The following PCDH10 variants were observed in gnomAD, a reference collection of about 807,000 sequenced individuals.
PCDH10 encodes protocadherin-10.
PCDH10 carries 15 observed loss-of-function variants against 74.4 expected under a neutral mutation model. That is an observed-to-expected ratio of 0.20 (90% CI 0.13 to 0.31). The LOEUF is 0.31. Ranked by LOEUF, PCDH10 falls within the 10% of genes least tolerant of loss-of-function variation. The pLI is 1.00. For synonymous variants in PCDH10, 619 were observed against 589.8 expected (o/e 1.05, Z -0.72); for missense variants, 1,260 against 1,390.2 (o/e 0.91, Z 1.49).
chr4:133,164,949 T>A (rs1727046829), intron 4 of PCDH10, among the ~76,000 whole-genome samples: 2 of 148,092 alleles, frequency 1.4e-5, no homozygotes, highest in South Asian at 4.2e-4. Context: ...ATATATATAT[T>A]CATATATATA....
At chr4:133,154,521 A>G (rs1175730681) in intron 2 of PCDH10, among the ~76,000 whole-genome samples, 156 bp downstream of exon 2, 1 of 152,238 alleles carries the variant, frequency 6.6e-6, no homozygotes, top group African/African-American at 2.4e-5. Flanking sequence ...CCTAGACAAT[A>G]CATTAAAAAT....
In PCDH10 at chr4:133,188,665, GT is replaced by G. The variant is rs1167321577; in HGVS notation, c.3104-1451del. Among the ~76,000 whole-genome samples, 399 of 74,660 alleles carry G rather than the reference GT, an allele frequency of 5.3e-3. 1 individual carries two copies. Among genetic ancestry groups the G allele is most frequent in the African/African-American group, 0.017 (309 of 18,212 alleles). The allele number at this position is 74,660 out of a possible 152,430, so 49.0% of individuals were successfully genotyped here. On this transcript the variant is annotated intron_variant, in intron 4 of 4. Coordinates refer to ENST00000264360, the MANE Select transcript of PCDH10 (RefSeq NM_032961.3). ...TGATGATGGTGCCTGACTGCTATGG[GT>G]TTTTTTTTTTTTTTTTTTTTTTTTG... is the stretch of plus-strand genomic sequence containing the variant.
chr4:133,206,817 T>C (rs917501969), intron 2 of PCDH10, among the ~76,000 whole-genome samples: 1 of 152,186 alleles, frequency 6.6e-6, no homozygotes, highest in Non-Finnish European at 1.5e-5. Context: ...CTTATAAGCA[T>C]AATGCAGAAT....
intron 2 of PCDH10, among the ~76,000 whole-genome samples, chr4:133,201,463 C>T (rs1727908486): frequency 6.6e-6 from 1 of 152,080 alleles, no homozygotes; most frequent in Non-Finnish European, 1.5e-5. Context: ...GGGTTGCACT[C>T]AGGGACAGAG....
At chr4:133,207,462 C>A (rs1380539720) in intron 2 of PCDH10, among the ~76,000 whole-genome samples, 1 of 152,190 alleles carries the variant, frequency 6.6e-6, no homozygotes, top group African/African-American at 2.4e-5. Context: ...TAAGAGCTGG[C>A]ACATACAGAC....
rs150122215 is a variant in PCDH10 at position 133,193,228 on chromosome 4, A to G, written c.*3068A>G. On this transcript the variant is annotated 3_prime_UTR_variant, in exon 5 of 5. Coordinates refer to ENST00000264360, the MANE Select transcript of PCDH10 (RefSeq NM_032961.3). ...AAATCATCTTAAATCAAATTTAAAT[A>G]TCACATCAGAATTACTTCACAGATA... 10 of 151,856 alleles carry G rather than the reference A, an allele frequency of 6.6e-5. No individual in the cohort carries two copies. Among genetic ancestry groups the G allele is most frequent in the African/African-American group, 1.9e-4 (8 of 41,560 alleles). The allele number at this position is 151,856 out of a possible 1,614,324, so 9.4% of individuals were successfully genotyped here.
intron 4 of PCDH10, among the ~76,000 whole-genome samples, chr4:133,185,169 C>T (rs1264210056): frequency 6.8e-6 from 1 of 147,656 alleles, no homozygotes; most frequent in African/African-American, 2.5e-5. Flanking sequence ...TATATTTACA[C>T]ATATAAATAA....
chr4:133,184,086 T>A (rs1727476424), intron 4 of PCDH10, among the ~76,000 whole-genome samples: 1 of 152,130 alleles, frequency 6.6e-6, no homozygotes, highest in Non-Finnish European at 1.5e-5. Context: ...ATTTCTCACA[T>A]TAATGGTCTA....
chr4:133,176,205 C>T (rs1727292527), intron 4 of PCDH10, among the ~76,000 whole-genome samples: 1 of 152,068 alleles, frequency 6.6e-6, no homozygotes, highest in South Asian at 2.1e-4. Context: ...GACCTTTGTA[C>T]ATGTTCTCAC....
At chr4:133,174,283 A>G (rs1727251783) in intron 4 of PCDH10, among the ~76,000 whole-genome samples, 1 of 151,998 alleles carries the variant, frequency 6.6e-6, no homozygotes, top group Non-Finnish European at 1.5e-5. Flanking sequence ...CTTATATGCC[A>G]TATATAATTC....
chr4:133,203,091 A>G (rs901591368), intron 2 of PCDH10, among the ~76,000 whole-genome samples: 1 of 152,114 alleles, frequency 6.6e-6, no homozygotes, highest in Admixed American at 6.5e-5. Flanking sequence ...CAGAAGCTCA[A>G]TGTCTATGAG....
At chr4:133,199,761 AATTATTATTATTATTATTATTATTACT>A (rs1380645174) in intron 2 of PCDH10, among the ~76,000 whole-genome samples, 1 of 146,328 alleles carries the variant, frequency 6.8e-6, no homozygotes. Flanking sequence ...AGTTGTTTTT[AATTATTATTATTATTATTATTATTACT>A]ATTATTATTA....
rs758483917 is a variant in PCDH10, at chr4:133,151,880, G to A, written c.1740G>A (p.Gly580=). 3.7e-6 allele frequency: 6 copies of A among 1,613,028 alleles called. No homozygotes were observed. In the South Asian group the frequency reaches 6.6e-5, roughly 18 times the overall value. ...CTGCCATCGTGGCGCCTCTACCAGGGCGCAACGGGACTCCAGCGCGTGAGG... is the reference window on the plus strand; with the variant it reads ...CTGCCATCGTGGCGCCTCTACCAGGACGCAACGGGACTCCAGCGCGTGAGG... ...NAPAIVAPLP[G]RNGTPAREVL... The change falls in exon 1 of 5, where the codon GGG becomes GGA. Residue 580 remains glycine (G), a synonymous_variant. Transcript: ENST00000264360.
Position 133,206,760 on chromosome 4 carries a change from CT to C in PCDH10, n.438-1315del, listed in dbSNP as rs150519382. Among the ~76,000 whole-genome samples the C allele has an allele frequency of 2.2e-3, 338 of 152,212 alleles. 9 individuals carry two copies. In the East Asian group the frequency reaches 0.059, roughly 27 times the overall value. ...GTGCATTAATTGACCTCTCCCCTCT[CT>C]GTAAATGGGAGCTTGAAAATAAACT... On this transcript the variant is annotated intron_variant and non_coding_transcript_variant, in intron 2 of 2. Transcript: ENST00000511112.
At chr4:133,179,792 T>A (rs1727374620) in intron 4 of PCDH10, among the ~76,000 whole-genome samples, 1 of 152,102 alleles carries the variant, frequency 6.6e-6, no homozygotes, top group South Asian at 2.1e-4. Context: ...CATAACTGTG[T>A]CTGGAACAAA....
rs1727685279 is a variant in PCDH10 at position 133,191,992 on chromosome 4, CACACTT to C, written c.*1834_*1839del. The C allele has an allele frequency of 6.7e-6, 1 of 148,632 alleles. No homozygotes were observed. Among genetic ancestry groups the C allele is most frequent in the African/African-American group, 2.5e-5 (1 of 40,228 alleles). The allele number at this position is 148,632 out of a possible 1,614,324, so 9.2% of individuals were successfully genotyped here. A position where few individuals can be genotyped will look rare whatever the true frequency, so the allele number is the denominator to read the frequency against. On this transcript the variant is annotated 3_prime_UTR_variant, in exon 5 of 5. Transcript: ENST00000264360. ...ACACACACACACACACACACACACA[CACACTT>C]AGGTCCTGATATGTACATTTAGAGT...
chr4:133,187,181 A>G (rs1261727199), intron 4 of PCDH10, among the ~76,000 whole-genome samples: 1 of 152,096 alleles, frequency 6.6e-6, no homozygotes, highest in Non-Finnish European at 1.5e-5. Flanking sequence ...TCAACTGTGG[A>G]TTAAAAATAT....
chr4:133,176,997 A>T (rs1228468799), intron 4 of PCDH10, among the ~76,000 whole-genome samples: 2 of 152,106 alleles, frequency 1.3e-5, no homozygotes, highest in African/African-American at 4.8e-5. Flanking sequence ...AAATAATGAA[A>T]ATCAATGTCC....
At position 133,163,216 on chromosome 4, in the gene PCDH10, C is replaced by CT. The variant is rs781318749; in HGVS notation, c.3038dup (p.Glu1014GlyfsTer11). The CT allele has an allele frequency of 1.9e-6, 3 of 1,613,986 alleles. No homozygotes were observed. Among genetic ancestry groups the CT allele is most frequent in the Non-Finnish European group, 2.5e-6 (3 of 1,180,020 alleles). On this transcript the variant is annotated frameshift_variant, in exon 4 of 5. Transcript: ENST00000264360. LOFTEE classifies it high-confidence loss of function. ...CAAAGAGAAGGCCCTTCACAGCACT[C>CT]TGGAGAGGAAGGAGCTGGATGGACT... is the stretch of plus-strand genomic sequence containing the variant.
Sources: allele counts gnomAD v4.1 joint callset (sites outside exome capture counted in the v4.1 genomes callset), GRCh38; gene constraint gnomAD v4.1.1; transcripts MANE v1.5; gene names NCBI Gene and HGNC (gene_info 2026-07-23, HGNC 2026-07-21).